The following ALK variants were observed in gnomAD, a reference collection of about 807,000 sequenced individuals.
ALK encodes ALK tyrosine kinase receptor.
Under a neutral mutation model 163.1 loss-of-function variants are expected in ALK, and 74 were observed. The ratio of observed to expected loss-of-function variants is 0.45; its 90% confidence interval spans 0.38 to 0.55. The LOEUF (loss-of-function observed/expected upper bound fraction) is 0.55. Among genes scored for constraint, ALK ranks in the 20% least tolerant of loss-of-function variants. The probability of loss-of-function intolerance (pLI) is 0.00; values close to 1 mark genes in which losing one functional copy is unlikely to be tolerated. For synonymous variants in ALK, 960 were observed against 843.2 expected (o/e 1.14, Z -2.40); for missense variants, 2,063 against 2,105.3 (o/e 0.98, Z 0.39).
intron 15 of ALK, among the ~76,000 whole-genome samples, chr2:29,229,538 G>C (rs553813324): frequency 1.3e-5 from 2 of 152,314 alleles, no homozygotes; most frequent in South Asian, 4.1e-4. Flanking sequence ...TTGCACTAAA[G>C]TTCCTTGCAG....
chr2:29,630,030 A>G (rs1370619913), intron 3 of ALK, among the ~76,000 whole-genome samples: 1 of 152,194 alleles, frequency 6.6e-6, no homozygotes, highest in Non-Finnish European at 1.5e-5. Flanking sequence ...GGAAGATATT[A>G]TGCTTTAAAG....
chr2:29,699,226 G>A (rs551787596), intron 2 of ALK, among the ~76,000 whole-genome samples: 1 of 151,144 alleles, frequency 6.6e-6, no homozygotes, highest in South Asian at 2.1e-4. Context: ...CCAGGGGCAG[G>A]GGTGGGAAAC....
intron 5 of ALK, among the ~76,000 whole-genome samples, chr2:29,340,321 G>C (rs1323849813): frequency 6.6e-6 from 1 of 152,212 alleles, no homozygotes; most frequent in Non-Finnish European, 1.5e-5. Flanking sequence ...TTTAGATTCT[G>C]CAGCAGAGAA....
In ALK at chr2:29,921,039, C is replaced by T. The variant is rs1667987925; in HGVS notation, c.-380G>A. On this transcript the variant is annotated 5_prime_UTR_variant, in exon 1 of 29. Transcript: ENST00000389048. ...TTGGGTACCGTCCTCTCCTGCCCCCCGCAGTCGGAGCTGGGGTCTGTCCCC... is the reference window on the plus strand; with the variant it reads ...TTGGGTACCGTCCTCTCCTGCCCCCTGCAGTCGGAGCTGGGGTCTGTCCCC... 1 of 278,638 alleles carries T rather than the reference C, an allele frequency of 3.6e-6. No individual in the cohort carries two copies. Among genetic ancestry groups the T allele is most frequent in the Non-Finnish European group, 6.8e-6 (1 of 147,616 alleles). The allele number at this position is 278,638 out of a possible 1,614,324, so 17.3% of individuals were successfully genotyped here.
intron 1 of ALK, among the ~76,000 whole-genome samples, chr2:29,820,387 A>G (rs146474511): frequency 6.6e-6 from 1 of 152,252 alleles, no homozygotes; most frequent in Admixed American, 6.5e-5. Flanking sequence ...CAACCTCAGA[A>G]AAGACCCTGA....
At chr2:29,679,102 AT>A (rs1677983560) in intron 3 of ALK, among the ~76,000 whole-genome samples, 1 of 151,754 alleles carries the variant, frequency 6.6e-6, no homozygotes, top group Non-Finnish European at 1.5e-5. Context: ...GTGAATTGAC[AT>A]TTTTATCATT....
intron 1 of ALK, among the ~76,000 whole-genome samples, chr2:29,893,040 T>C (rs143816248): frequency 1.1e-3 from 163 of 152,322 alleles, no homozygotes; most frequent in Non-Finnish European, 1.7e-3. Context: ...CTGGCCATAA[T>C]GTTTCCCTCC....
chr2:29,265,540 A>G lies in ALK; in HGVS notation c.2041+9559T>C, dbSNP rs999494333. Among the ~76,000 whole-genome samples the G allele has an allele frequency of 2.6e-5, 4 of 152,338 alleles. No homozygotes were observed. In the South Asian group the frequency reaches 6.2e-4, roughly 24 times the overall value. On this transcript the variant is annotated intron_variant, in intron 11 of 28. Transcript: ENST00000389048. The stretch of plus-strand genomic sequence containing the variant: ...TGATTCTCAGTTAGGTTGCTGGACA[A>G]CCACACACTAAGCCTTGTTTTCTTT...
At chr2:29,467,716 A>G (rs539549483) in intron 4 of ALK, among the ~76,000 whole-genome samples, 1 of 152,180 alleles carries the variant, frequency 6.6e-6, no homozygotes, top group East Asian at 1.9e-4. Flanking sequence ...CTAAAATATC[A>G]TTTTTCTTTT....
intron 4 of ALK, among the ~76,000 whole-genome samples, chr2:29,497,049 T>C (rs985208719): frequency 6.6e-5 from 10 of 152,154 alleles, no homozygotes; most frequent in Admixed American, 5.2e-4. Flanking sequence ...GGCGGGTTTA[T>C]CACCTGAGGT....
intron 4 of ALK, among the ~76,000 whole-genome samples, chr2:29,500,091 A>G (rs995928126): frequency 6.6e-6 from 1 of 152,146 alleles, no homozygotes; most frequent in African/African-American, 2.4e-5. Context: ...CTCCTTGGCC[A>G]TGATTTCCGA....
rs140059152 is a variant in ALK at position 29,634,103 on chromosome 2, G to C, written c.952+60747C>G. Among the ~76,000 whole-genome samples the C allele has an allele frequency of 7.6e-3, 1,078 of 141,810 alleles. 12 individuals are homozygous for C. Among genetic ancestry groups the C allele is most frequent in the South Asian group, 0.054 (224 of 4,152 alleles). 93.0% of individuals were successfully genotyped at this position (141,810 alleles called of 152,430 possible). A position where few individuals can be genotyped will look rare whatever the true frequency, so the allele number is the denominator to read the frequency against. On this transcript the variant is annotated intron_variant, in intron 3 of 28. Coordinates refer to ENST00000389048, the MANE Select transcript of ALK (RefSeq NM_004304.5). ...CAGGTGTCCTGGCTATTCATGAAAG[G>C]ATGACTGGTGCACATTTTTTTTTTT...
At chr2:29,515,619 G>C (rs1672640500) in intron 4 of ALK, among the ~76,000 whole-genome samples, 1 of 152,108 alleles carries the variant, frequency 6.6e-6, no homozygotes, top group Non-Finnish European at 1.5e-5. Flanking sequence ...AAACACTTTT[G>C]TAGATGTCCT....
chr2:29,391,421 C>T (rs1669169302), intron 4 of ALK, among the ~76,000 whole-genome samples: 1 of 152,006 alleles, frequency 6.6e-6, no homozygotes. Flanking sequence ...ATGCCTCAAC[C>T]TCCCAAGTAG....
intron 1 of ALK, among the ~76,000 whole-genome samples, chr2:29,835,327 C>T (rs1665530796): frequency 6.6e-6 from 1 of 152,102 alleles, no homozygotes; most frequent in African/African-American, 2.4e-5. Flanking sequence ...AAGGTATTTC[C>T]ATCTGAGAGT....
At chr2:29,846,962 A>G (rs10178161) in intron 1 of ALK, among the ~76,000 whole-genome samples, 141,325 of 152,252 alleles carry the variant, frequency 0.93, 65,658 homozygotes, top group East Asian at 1. Flanking sequence ...TTGCTGAGCT[A>G]TAGAATTTGT....
intron 3 of ALK, among the ~76,000 whole-genome samples, chr2:29,638,423 G>T (rs989149511): frequency 6.6e-6 from 1 of 150,514 alleles, no homozygotes; most frequent in Non-Finnish European, 1.5e-5. Context: ...TCTTCATTTT[G>T]TTTGGGGAGA....
At chr2:29,202,306 GCTC>G (rs1669202390) in intron 26 of ALK, among the ~76,000 whole-genome samples, 1 of 152,158 alleles carries the variant, frequency 6.6e-6, no homozygotes, top group Non-Finnish European at 1.5e-5. Flanking sequence ...AAAAACCCCA[GCTC>G]CTCCTCTTTC....
rs190801077 is a variant in ALK at position 29,484,784 on chromosome 2, C to T, written c.1154+47131G>A. Among the ~76,000 whole-genome samples, 263 of 152,172 alleles carry T rather than the reference C, an allele frequency of 1.7e-3. 1 individual carries two copies. Among genetic ancestry groups the T allele is most frequent in the African/African-American group, 5.9e-3 (247 of 41,524 alleles). On this transcript the variant is annotated intron_variant, in intron 4 of 28. Coordinates refer to ENST00000389048, the MANE Select transcript of ALK (RefSeq NM_004304.5). ...AAAACATCTTTATTTGTACGTTATT[C>T]CTTAACACTACTTTAAATGACTGCA...
Sources: gnomAD v4.1 joint callset for allele counts (sites outside exome capture counted in the v4.1 genomes callset) on GRCh38, gnomAD v4.1.1 for gene constraint, MANE v1.5 for transcripts, NCBI Gene and HGNC (gene_info 2026-07-23, HGNC 2026-07-21) for gene names.